Variants in CPM observed in about 807,000 individuals in gnomAD.
CPM encodes the protein renal carboxypeptidase.
In CPM, 35 loss-of-function variants were observed where a neutral mutation model predicts 46.4. The ratio of observed to expected loss-of-function variants is 0.75; its 90% confidence interval spans 0.58 to 1.00. The LOEUF (loss-of-function observed/expected upper bound fraction) is 1.00. CPM is among the 50% of genes least tolerant of loss of function. CPM has a pLI of 0.00. For synonymous variants in CPM, 195 were observed against 195.3 expected (o/e 1.00, Z 0.01); for missense variants, 422 against 530.4 (o/e 0.80, Z 2.01).
At chr12:68,906,730 G>A (rs922740639) in intron 2 of CPM, among the ~76,000 whole-genome samples, 7 of 152,240 alleles carry the variant, frequency 4.6e-5, no homozygotes, top group African/African-American at 9.6e-5. Context: ...TGATCCGCCC[G>A]CCTCAGCCTC....
intron 3 of CPM, among the ~76,000 whole-genome samples, chr12:68,881,741 G>A (rs1233593850): frequency 9.1e-6 from 1 of 109,830 alleles, no homozygotes; most frequent in South Asian, 2.8e-4. Context: ...TTTTTTTTTT[G>A]AGACAGTCTC....
At chr12:68,846,126 T>G (rs1884278441) in intron 5 of CPM, 1 of 152,236 alleles carries the variant, frequency 6.6e-6, no homozygotes, top group African/African-American at 2.4e-5. Flanking sequence ...TAATTTTTTT[T>G]GTATTTTTAG....
rs116583145 is a variant in CPM at position 68,926,373 on chromosome 12, A to G, written c.160+6305T>C. On this transcript the variant is annotated intron_variant, in intron 2 of 8. Transcript: ENST00000551568. ...TAGCACACCTCAGTTTGGTCTAGTCATATTTCAACTCCTCAATTGCTTAGT... is the reference window on the plus strand; with the variant it reads ...TAGCACACCTCAGTTTGGTCTAGTCGTATTTCAACTCCTCAATTGCTTAGT... 4.8e-3 allele frequency among the ~76,000 whole-genome samples: 725 copies of G among 152,096 alleles called. 10 individuals carry two copies. Among genetic ancestry groups the G allele is most frequent in the African/African-American group, 0.017 (694 of 41,498 alleles).
intron 2 of CPM, among the ~76,000 whole-genome samples, chr12:68,890,844 C>T (rs1231016894): frequency 6.6e-6 from 1 of 152,230 alleles, no homozygotes; most frequent in African/African-American, 2.4e-5. Context: ...TAGGGAGAAG[C>T]AGAGACCTTG....
intron 2 of CPM, among the ~76,000 whole-genome samples, chr12:68,893,215 T>C (rs1886730545): frequency 6.6e-6 from 1 of 150,850 alleles, no homozygotes; most frequent in South Asian, 2.1e-4. Context: ...ACAAAATCCA[T>C]TTGTACCATA....
At chr12:68,843,655 A>T (rs932461394) in intron 5 of CPM, 1 of 225,476 alleles carries the variant, frequency 4.4e-6, no homozygotes, top group African/African-American at 2.2e-5. Context: ...GACTGAGGTA[A>T]TTCTGCACAG....
chr12:68,922,810 A>G (rs1403356039), intron 2 of CPM, among the ~76,000 whole-genome samples: 1 of 152,192 alleles, frequency 6.6e-6, no homozygotes, highest in East Asian at 1.9e-4. Flanking sequence ...CACAAATTCA[A>G]ATTAGGACTT....
chr12:68,945,534 G>A (rs540046977), intron 1 of CPM, among the ~76,000 whole-genome samples: 1 of 152,324 alleles, frequency 6.6e-6, no homozygotes, highest in Admixed American at 6.5e-5. Flanking sequence ...TGCCCCCAAG[G>A]TAAGAGGAGT....
chr12:68,843,951 G>A (rs896830893), intron 5 of CPM: 1 of 209,796 alleles, frequency 4.8e-6, no homozygotes, highest in Non-Finnish European at 9.7e-6. Context: ...AAGCATTATT[G>A]GAGTTCATAA....
At chr12:68,867,566 T>C (rs1885508031) in intron 6 of CPM, among the ~76,000 whole-genome samples, 1 of 152,190 alleles carries the variant, frequency 6.6e-6, no homozygotes, top group Non-Finnish European at 1.5e-5. Context: ...TCACAGCAAT[T>C]GCCCCTACTT....
chr12:68,870,324 A>T lies in CPM; in HGVS notation c.507T>A (p.Pro169=). 1 of 1,614,246 alleles carries T rather than the reference A, an allele frequency of 6.2e-7. No individual in the cohort carries two copies. The highest frequency in any genetic ancestry group is 8.5e-7 in the Non-Finnish European group (1 of 1,180,036). The change falls in exon 5 of 9, where the codon CCT becomes CCA. Residue 169 remains proline (P), a synonymous_variant. Transcript: ENST00000551568. ...GCCACTTCATGACTGCCACAGTTTC[A>T]GGCTGCCTTGAGACATTATTATATT... is the stretch of plus-strand genomic sequence containing the variant. ...AFEYNNVSRQ[P]ETVAVMKWLK... is the part of the protein sequence containing the mutation.
exon 1 of CPM, chr12:68,963,220 A>G: frequency 5.0e-6 from 1 of 199,302 alleles, no homozygotes; most frequent in East Asian, 1.6e-4. Flanking sequence ...GTCCTGTCCC[A>G]TACGCAGAAG....
At chr12:68,894,944 A>G (rs796581) in intron 2 of CPM, among the ~76,000 whole-genome samples, 6 of 147,800 alleles carry the variant, frequency 4.1e-5, no homozygotes, top group African/African-American at 1.5e-4. Context: ...CATGAGAATC[A>G]CTTGAACCTG....
At chr12:68,963,267 G>T in exon 1 of CPM, 1 of 195,496 alleles carries the variant, frequency 5.1e-6, no homozygotes, top group South Asian at 1.1e-4. Flanking sequence ...GAAGAATCTA[G>T]ACAGACAGGC....
At chr12:68,950,321 A>C (rs1888914482) in intron 1 of CPM, among the ~76,000 whole-genome samples, 1 of 152,200 alleles carries the variant, frequency 6.6e-6, no homozygotes, top group Non-Finnish European at 1.5e-5. Context: ...GAAATAATTA[A>C]TATACTACAT....
At chr12:68,883,509 T>C (rs1886286983) in intron 3 of CPM, among the ~76,000 whole-genome samples, 2 of 152,130 alleles carry the variant, frequency 1.3e-5, no homozygotes, top group Non-Finnish European at 2.9e-5. Flanking sequence ...CACCCCAAAA[T>C]ACACTGGGAC....
chr12:68,883,059 TA>T (rs1258551290), intron 3 of CPM, among the ~76,000 whole-genome samples: 1 of 152,180 alleles, frequency 6.6e-6, no homozygotes, highest in African/African-American at 2.4e-5. Flanking sequence ...GGTCCCATTT[TA>T]AAAATAGTGT....
chr12:68,930,508 C>T (rs541679087), intron 2 of CPM, among the ~76,000 whole-genome samples: 2 of 152,328 alleles, frequency 1.3e-5, no homozygotes, highest in African/African-American at 4.8e-5. Flanking sequence ...TGTGCAGTGA[C>T]ACTTTGGCAA....
At chr12:68,846,647 A>G (rs1884315547), downstream of CPM, 1 of 152,194 alleles carries the variant, frequency 6.6e-6, no homozygotes, top group Non-Finnish European at 1.5e-5. Context: ...TATTGGGGGA[A>G]AAACTTGCTT....
Sources: gnomAD v4.1 joint callset for allele counts (sites outside exome capture counted in the v4.1 genomes callset) on GRCh38, gnomAD v4.1.1 for gene constraint, MANE v1.5 for transcripts, NCBI Gene and HGNC (gene_info 2026-07-23, HGNC 2026-07-21) for gene names.